Variants in SGK3 observed in about 807,000 individuals in gnomAD.
The protein encoded by SGK3 is serum/glucocorticoid regulated kinase family member 3, also known as serine/threonine-protein kinase Sgk3.
Under a neutral mutation model 68.5 loss-of-function variants are expected in SGK3, and 47 were observed. The observed-to-expected ratio is 0.69, with a 90% CI of 0.54 to 0.87. SGK3 has a LOEUF of 0.87. Among genes scored for constraint, SGK3 ranks in the 40% least tolerant of loss-of-function variants. SGK3 has a pLI of 0.00. For synonymous variants in SGK3, 181 were observed against 189.1 expected (o/e 0.96, Z 0.35); for missense variants, 479 against 575.5 (o/e 0.83, Z 1.72).
At chr8:66,803,453 C>CTACATACTGTATAG (rs1554600844) in intron 3 of SGK3, among the ~76,000 whole-genome samples, 10 of 148,058 alleles carry the variant, frequency 6.8e-5, no homozygotes, top group African/African-American at 1.5e-4. Flanking sequence ...CCTCAGCCTC[C>CTACATACTGTATAG]CAAAGTGCTG....
At chr8:66,729,735 T>TTTTATTTATTTATTTA (rs1554592142) in intron 1 of SGK3, among the ~76,000 whole-genome samples, 3 of 150,908 alleles carry the variant, frequency 2.0e-5, no homozygotes, top group African/African-American at 7.4e-5. Flanking sequence ...ATTTATTTAT[T>TTTTATTTATTTATTTA]TTTATTTATT....
chr8:66,724,565 T>G (rs1351072577), intron 1 of SGK3, among the ~76,000 whole-genome samples: 1 of 151,942 alleles, frequency 6.6e-6, no homozygotes. Context: ...GACAGAGCAA[T>G]ACTCTGTCTC....
At chr8:66,816,419 C>T (rs1485056689) in intron 5 of SGK3, among the ~76,000 whole-genome samples, 1 of 146,296 alleles carries the variant, frequency 6.8e-6, no homozygotes, top group Admixed American at 7.0e-5. Flanking sequence ...AATCTCAGCT[C>T]ACTGCAACCT....
At chr8:66,776,347 G>A (rs1806714167) in intron 1 of SGK3, among the ~76,000 whole-genome samples, 1 of 152,188 alleles carries the variant, frequency 6.6e-6, no homozygotes, top group African/African-American at 2.4e-5. Context: ...GTTCAGGCGG[G>A]TTTGTTTAAA....
intron 2 of SGK3, among the ~76,000 whole-genome samples, chr8:66,796,952 T>C (rs1807723304): frequency 6.6e-6 from 1 of 152,074 alleles, no homozygotes; most frequent in Non-Finnish European, 1.5e-5. Context: ...TTTTTTTTTT[T>C]TTTACCAATG....
rs1158948934 is a variant in SGK3 at position 66,779,649 on chromosome 8, AC to A, written c.-121-13966del. ...ACGTTTTATACATATACACATATATACATTTTATACATATATATGTATAAAA... is the reference window on the plus strand; with the variant it reads ...ACGTTTTATACATATACACATATATAATTTTATACATATATATGTATAAAA... On this transcript the variant is annotated intron_variant, in intron 1 of 16. Coordinates refer to ENST00000521198, the MANE Select transcript of SGK3 (RefSeq NM_001033578.3). Among the ~76,000 whole-genome samples the A allele has an allele frequency of 2.8e-5, 4 of 144,024 alleles. No individual in the cohort carries two copies. The East Asian group carries it at 7.9e-4, about 29-fold the overall frequency. The allele number at this position is 144,024 out of a possible 152,430, so 94.5% of individuals were successfully genotyped here. A position where few individuals can be genotyped will look rare whatever the true frequency, so the allele number is the denominator to read the frequency against.
At chr8:66,757,942 T>TATAC (rs1162269957) in intron 1 of SGK3, among the ~76,000 whole-genome samples, 9 of 141,948 alleles carry the variant, frequency 6.3e-5, no homozygotes, top group African/African-American at 2.5e-4. Flanking sequence ...TATATATATA[T>TATAC]ACATATATAT....
intron 1 of SGK3, among the ~76,000 whole-genome samples, chr8:66,792,615 A>G (rs183946986): frequency 7.5e-4 from 114 of 152,298 alleles, no homozygotes; most frequent in African/African-American, 2.6e-3. Flanking sequence ...GCGGTGGCTC[A>G]TGCCTGTAAT....
rs28425499 is a variant in SGK3 at position 66,839,529 on chromosome 8, A to G, written c.742-474A>G. 3.1e-3 allele frequency among the ~76,000 whole-genome samples: 216 copies of G among 69,030 alleles called. 14 individuals are homozygous for G. The highest frequency in any genetic ancestry group is 0.01 in the African/African-American group (187 of 17,858). 45.3% of individuals were successfully genotyped at this position (69,030 alleles called of 152,430 possible). A position where few individuals can be genotyped will look rare whatever the true frequency, so the allele number is the denominator to read the frequency against. On this transcript the variant is annotated intron_variant, in intron 10 of 16. Coordinates refer to ENST00000521198, the MANE Select transcript of SGK3 (RefSeq NM_001033578.3). ...TATATATATATATATATATATATAT[A>G]TATATATATATATATATATATATAT...
intron 1 of SGK3, among the ~76,000 whole-genome samples, chr8:66,774,587 C>G (rs948475870): frequency 6.6e-6 from 1 of 152,080 alleles, no homozygotes; most frequent in Non-Finnish European, 1.5e-5. Flanking sequence ...TAGAGTAGCA[C>G]ACTACGGACA....
rs865911601 is a variant in SGK3, at chr8:66,839,381, T to A, written c.742-622T>A. Among the ~76,000 whole-genome samples, 504 of 141,794 alleles carry A rather than the reference T, an allele frequency of 3.6e-3. 5 individuals are homozygous for A. The highest frequency in any genetic ancestry group is 0.01 in the African/African-American group (405 of 38,732). The allele number at this position is 141,794 out of a possible 152,430, so 93.0% of individuals were successfully genotyped here. The stretch of plus-strand genomic sequence containing the variant: ...CCTAATGGTCCAGAGCTTATCTTTT[T>A]AAAAAAAAAAACTAAAACCATGAAT... On this transcript the variant is annotated intron_variant, in intron 10 of 16. Transcript: ENST00000521198.
At chr8:66,823,506 T>A (rs1490840122) in intron 6 of SGK3, among the ~76,000 whole-genome samples, 1 of 151,902 alleles carries the variant, frequency 6.6e-6, no homozygotes, top group East Asian at 1.9e-4. Flanking sequence ...CAAGTGATTC[T>A]CCTGCCTCAG....
At chr8:66,758,740 T>C (rs1489631913) in intron 1 of SGK3, among the ~76,000 whole-genome samples, 2 of 152,110 alleles carry the variant, frequency 1.3e-5, no homozygotes, top group African/African-American at 2.4e-5. Context: ...GGTCTCAAAC[T>C]CCCGGGCTCA....
At chr8:66,832,854 G>C (rs1343534087) in intron 8 of SGK3, among the ~76,000 whole-genome samples, 1 of 151,544 alleles carries the variant, frequency 6.6e-6, no homozygotes, top group Non-Finnish European at 1.5e-5. Context: ...TTTTTTCCAT[G>C]TGGATAACCA....
At chr8:66,748,394 A>G (rs774559874) in intron 1 of SGK3, among the ~76,000 whole-genome samples, 2 of 152,166 alleles carry the variant, frequency 1.3e-5, no homozygotes, top group Non-Finnish European at 2.9e-5. Flanking sequence ...GGAACTCCAC[A>G]TTTTTGAAAT....
At chr8:66,834,032 C>A (rs1436096287) in intron 8 of SGK3, among the ~76,000 whole-genome samples, 1 of 152,168 alleles carries the variant, frequency 6.6e-6, no homozygotes, top group Non-Finnish European at 1.5e-5. Flanking sequence ...GGTGTTAATT[C>A]TTGAAGCTGA....
intron 16 of SGK3, among the ~76,000 whole-genome samples, chr8:66,858,152 G>A (rs934108440): frequency 6.6e-6 from 1 of 152,086 alleles, no homozygotes; most frequent in Non-Finnish European, 1.5e-5. Context: ...AGATGGACAG[G>A]CGTTTTATGG....
At chr8:66,734,863 C>A (rs1433770290) in intron 1 of SGK3, among the ~76,000 whole-genome samples, 2 of 150,944 alleles carry the variant, frequency 1.3e-5, no homozygotes, top group Non-Finnish European at 2.9e-5. Flanking sequence ...AGGAGAATCG[C>A]TTGAACCCAG....
At chr8:66,857,884 G>A (rs939376352) in intron 16 of SGK3, among the ~76,000 whole-genome samples, 21 of 148,836 alleles carry the variant, frequency 1.4e-4, no homozygotes, top group African/African-American at 5.2e-4. Flanking sequence ...ATTTGTAAAG[G>A]AAAGTTAACC....
Sources: gnomAD v4.1 joint callset for allele counts (sites outside exome capture counted in the v4.1 genomes callset) on GRCh38, gnomAD v4.1.1 for gene constraint, MANE v1.5 for transcripts, NCBI Gene and HGNC (gene_info 2026-07-23, HGNC 2026-07-21) for gene names.